Variants in SLC26A9 observed in about 807,000 individuals in gnomAD.
The protein encoded by SLC26A9 is solute carrier family 26 member 9.
SLC26A9 carries 46 observed loss-of-function variants against 87.1 expected under a neutral mutation model. The observed-to-expected ratio is 0.53, with a 90% CI of 0.42 to 0.67. SLC26A9 has a LOEUF of 0.67. Ranked by LOEUF, SLC26A9 falls within the 30% of genes least tolerant of loss-of-function variation. The pLI is 0.00. For synonymous variants in SLC26A9, 437 were observed against 409.1 expected, an observed-to-expected ratio of 1.07 and a Z score of -0.82; for missense variants, 927 against 1,018.3, an observed-to-expected ratio of 0.91 and a Z score of 1.22.
chr1:205,923,423 T>C lies in SLC26A9; in HGVS notation c.1571A>G (p.Gln524Arg). The C allele has an allele frequency of 6.2e-7, 1 of 1,614,162 alleles. No homozygotes were observed. Among genetic ancestry groups the C allele is most frequent in the South Asian group, 1.1e-5 (1 of 91,080 alleles). ...GATGATTTTAATCCCCTGGATATCC[T>C]GGGCCTGTGACAGGGAGACTGAGCT... is the stretch of plus-strand genomic sequence containing the variant. ...YVNPKTYNRA[Q>R]DIQGIKIITY... Residue 524 changes from glutamine (Q) to arginine (R), a missense_variant, in exon 15 of 21, where the codon CAG (glutamine) becomes CGG (arginine). By Grantham distance (43) the Gln-to-Arg change is conservative. Coordinates refer to ENST00000367135, the MANE Select transcript of SLC26A9 (RefSeq NM_052934.4).
rs768071361 is a variant in SLC26A9 at position 205,920,129 on chromosome 1, A to G, written c.2110+47T>C. Reference sequence around the variant, plus strand: ...GACCCCACCAACCTGTTCCTACCCCACACTCCTTGCCAGTCTTTCAGTCCC... The same window carrying G: ...GACCCCACCAACCTGTTCCTACCCCGCACTCCTTGCCAGTCTTTCAGTCCC... On this transcript the variant is annotated intron_variant, in intron 18 of 20. Coordinates refer to ENST00000367135, the MANE Select transcript of SLC26A9 (RefSeq NM_052934.4). 2.5e-6 allele frequency: 4 copies of G among 1,610,722 alleles called. No homozygotes were observed. In the African/African-American group the frequency reaches 5.3e-5, roughly 22 times the overall value.
At chr1:205,921,125 C>T (rs549829828) in intron 17 of SLC26A9, among the ~76,000 whole-genome samples, 5 of 152,338 alleles carry the variant, frequency 3.3e-5, no homozygotes, top group South Asian at 2.1e-4. Context: ...CAAGGTGTCC[C>T]GTGGGCTCTC....
intron 20 of SLC26A9, 128 bp from the exon 21 acceptor site, chr1:205,915,532 G>C: frequency 2.5e-6 from 3 of 1,181,080 alleles, no homozygotes; most frequent in Non-Finnish European, 3.6e-6. Flanking sequence ...GTGTGTGTGT[G>C]TGTGTGTGTG....
At chr1:205,930,204 C>G in intron 5 of SLC26A9, 148 bp from the exon 6 acceptor site, 1 of 804,328 alleles carries the variant, frequency 1.2e-6, no homozygotes, top group East Asian at 2.8e-5. Flanking sequence ...GTGACCTTCA[C>G]CTGCCCTTCA....
At chr1:205,922,206 G>A (rs537193321) in intron 16 of SLC26A9, among the ~76,000 whole-genome samples, 101 of 152,224 alleles carry the variant, frequency 6.6e-4, no homozygotes, top group African/African-American at 7.9e-4. Flanking sequence ...GCACTATCTC[G>A]GCTCACTGCA....
Position 205,927,554 on chromosome 1 carries a change from G to T in SLC26A9, c.1153C>A (p.His385Asn). The T allele has an allele frequency of 6.2e-7, 1 of 1,614,094 alleles. No homozygotes were observed. Among genetic ancestry groups the T allele is most frequent in the South Asian group, 1.1e-5 (1 of 91,064 alleles). Residue 385 changes from histidine (H) to asparagine (N), a missense_variant, in exon 10 of 21, where the codon CAT becomes AAT. Transcript: ENST00000367135. ...ACAGAAAGCGCACAGCAAATGACAT[G>T]AATTTTAAAGAAGGAGCCAAAGAAG... ...SNFFGSFFKI[H>N]VICCALSVTL...
At chr1:205,937,300 G>T (rs1167877615) in intron 1 of SLC26A9, among the ~76,000 whole-genome samples, 1 of 152,098 alleles carries the variant, frequency 6.6e-6, no homozygotes, top group Non-Finnish European at 1.5e-5. Context: ...CCAGCCCCTC[G>T]CCTGGCCCTT....
In SLC26A9 at chr1:205,923,601, A is replaced by G. The variant is rs1658938631; in HGVS notation, c.1509T>C (p.Tyr503=). 9.9e-6 allele frequency: 16 copies of G among 1,614,106 alleles called. No individual in the cohort carries two copies. In the East Asian group the frequency reaches 3.1e-4, roughly 31 times the overall value. The change falls in exon 14 of 21, where the codon TAT becomes TAC. Residue 503 remains tyrosine (Y), a synonymous_variant. Coordinates refer to ENST00000367135, the MANE Select transcript of SLC26A9 (RefSeq NM_052934.4). Reference sequence around the variant, plus strand: ...CAGTGTCCATGACCTGGGCCAGTGCATAGCCATTTCGACTGGATGAAGCAG... The same window carrying G: ...CAGTGTCCATGACCTGGGCCAGTGCGTAGCCATTTCGACTGGATGAAGCAG... ...VVFQTQFRNG[Y]ALAQVMDTDI... is the part of the protein sequence containing the mutation.
intron 1 of SLC26A9, among the ~76,000 whole-genome samples, chr1:205,939,844 A>G (rs1050732549): frequency 3.9e-5 from 6 of 152,196 alleles, no homozygotes; most frequent in South Asian, 2.1e-4. Flanking sequence ...AACAGCCATG[A>G]TAAGTGATGT....
At position 205,932,952 on chromosome 1, in the gene SLC26A9, G is replaced by A; in HGVS notation, c.258C>T (p.Val86=). 3 of 1,614,038 alleles carry A rather than the reference G, an allele frequency of 1.9e-6. No individual in the cohort carries two copies. Among genetic ancestry groups the A allele is most frequent in the Non-Finnish European group, 2.5e-6 (3 of 1,179,974 alleles). The change falls in exon 3 of 21, where the codon GTC becomes GTT. Residue 86 remains valine (V), a synonymous_variant. Coordinates refer to ENST00000367135, the MANE Select transcript of SLC26A9 (RefSeq NM_052934.4). The part of the protein sequence containing the change: ...LGGLSGGSIQ[V]PQGMAFALLA... ...CTGAAGGAGCCCCTTCACCTTGTGG[G>A]ACCTGGATGGATCCCCCGCTGAGTC...
In SLC26A9 at chr1:205,923,590, T is replaced by C; in HGVS notation, c.1520A>G (p.Gln507Arg). The C allele has an allele frequency of 6.2e-7, 1 of 1,614,222 alleles. No homozygotes were observed. Among genetic ancestry groups the C allele is most frequent in the Non-Finnish European group, 8.5e-7 (1 of 1,180,050 alleles). Residue 507 changes from glutamine to arginine, a missense_variant, in exon 14 of 21, where the codon CAG (glutamine) becomes CGG (arginine). Transcript: ENST00000367135. ...CACATAAATGTCAGTGTCCATGACCTGGGCCAGTGCATAGCCATTTCGACT... is the reference window on the plus strand; with the variant it reads ...CACATAAATGTCAGTGTCCATGACCCGGGCCAGTGCATAGCCATTTCGACT... ...TQFRNGYALA[Q>R]VMDTDIYVNP...
intron 10 of SLC26A9, 68 bp from the exon 11 acceptor site, chr1:205,927,356 C>T: frequency 6.3e-7 from 1 of 1,588,476 alleles, no homozygotes; most frequent in Non-Finnish European, 8.6e-7. Flanking sequence ...ACTTCCAATC[C>T]ATGGCTTTGG....
chr1:205,927,181 T>C (rs1659106760), intron 11 of SLC26A9, 30 bp downstream of exon 11: 1 of 1,612,294 alleles, frequency 6.2e-7, no homozygotes, highest in African/African-American at 1.3e-5. Context: ...GAGTCTTTCG[T>C]TGACTTCTGC....
chr1:205,917,292 G>A lies in SLC26A9; in HGVS notation c.2319C>T (p.Asp773=). 1 of 1,613,832 alleles carries A rather than the reference G, an allele frequency of 6.2e-7. No individual in the cohort carries two copies. The change falls in exon 20 of 21, where the codon GAC becomes GAT. Residue 773 remains aspartate, a synonymous_variant. Transcript: ENST00000367135. ...CCTTCCCTCAGCTCACCTGCTCTAA[G>A]TCCCAGTAGCTGCGAATGTCCTCCT... ...DSEEDIRSYW[D]LEQEMFGSMF... is the part of the protein sequence containing the mutation.
At chr1:205,917,582 C>T (rs1658648289) in intron 19 of SLC26A9, among the ~76,000 whole-genome samples, 1 of 152,034 alleles carries the variant, frequency 6.6e-6, no homozygotes, top group Non-Finnish European at 1.5e-5. Flanking sequence ...CTTTGTGGGC[C>T]GTTAGAGGCA....
chr1:205,932,025 G>T lies in SLC26A9; in HGVS notation c.387C>A (p.Ala129=), dbSNP rs556634347. The T allele has an allele frequency of 6.2e-7, 1 of 1,614,012 alleles. No individual in the cohort carries two copies. The highest frequency in any genetic ancestry group is 1.7e-5 in the Admixed American group (1 of 60,008). The part of the protein sequence containing the change: ...GVHQMVPGTF[A]VISILVGNIC... ...TGTTACCCACCAGGATGCTGATAAC[G>T]GCAAAGGTACCTGTGGTGCCCCACC... The change falls in exon 5 of 21, where the codon GCC becomes GCA. Residue 129 remains alanine, a synonymous_variant. Coordinates refer to ENST00000367135, the MANE Select transcript of SLC26A9 (RefSeq NM_052934.4).
In SLC26A9 at chr1:205,935,608, G is replaced by A. The variant is rs542415004; in HGVS notation, c.125+88C>T. On this transcript the variant is annotated intron_variant, in intron 2 of 20. Transcript: ENST00000367135. Reference sequence around the variant, plus strand: ...AGGGCTTCCCTTAACCCCATCTTAGGGATACCAGTGCAGAAGCCGTGTCCT... The same window carrying A: ...AGGGCTTCCCTTAACCCCATCTTAGAGATACCAGTGCAGAAGCCGTGTCCT... 5 of 1,569,462 alleles carry A rather than the reference G, an allele frequency of 3.2e-6. No homozygotes were observed. In the African/African-American group the frequency reaches 6.8e-5, roughly 21 times the overall value.
At chr1:205,927,832 C>A (rs1659140826) in intron 9 of SLC26A9, 70 bp downstream of exon 9, 3 of 1,574,392 alleles carry the variant, frequency 1.9e-6, no homozygotes, top group Non-Finnish European at 2.6e-6. Context: ...GATCTCCCCA[C>A]CCAAGATATG....
rs1658544292 is a variant in SLC26A9 at position 205,915,361 on chromosome 1, A to AG, written c.2371dup (p.Leu791ProfsTer75). 1 of 1,614,010 alleles carries AG rather than the reference A, an allele frequency of 6.2e-7. No homozygotes were observed. The highest frequency in any genetic ancestry group is 1.3e-5 in the African/African-American group (1 of 74,938). On this transcript the variant is annotated frameshift_variant, in exon 21 of 21. Coordinates refer to ENST00000367135, the MANE Select transcript of SLC26A9 (RefSeq NM_052934.4). LOFTEE classifies it high-confidence loss of function. ...GCATGAGGACTGGCTGAGCCCTCAC[A>AG]GGGCGGTCAGGGTCTCTGCGTGAAA... is the stretch of plus-strand genomic sequence containing the variant.
Sources: allele counts gnomAD v4.1 joint callset (sites outside exome capture counted in the v4.1 genomes callset), GRCh38; gene constraint gnomAD v4.1.1; transcripts MANE v1.5; gene names NCBI Gene and HGNC (gene_info 2026-07-23, HGNC 2026-07-21).